CDYL2: variants seen among roughly 807,000 people sequenced by gnomAD.
CDYL2 encodes the protein chromodomain Y-like protein 2.
In CDYL2, 23 loss-of-function variants were observed where a neutral mutation model predicts 49.4. That is an observed-to-expected ratio of 0.47 (90% CI 0.34 to 0.66). CDYL2 has a LOEUF of 0.66. Among genes scored for constraint, CDYL2 ranks in the 30% least tolerant of loss-of-function variants. The probability of loss-of-function intolerance (pLI) is 0.01; values close to 1 mark genes in which losing one functional copy is unlikely to be tolerated. For synonymous variants in CDYL2, 360 were observed against 268.8 expected (o/e 1.34, Z -3.32); for missense variants, 678 against 656.4 (o/e 1.03, Z -0.36).
intron 6 of CDYL2, 41 bp from the exon 7 acceptor site, chr16:80,604,587 G>C (rs1906249559): frequency 6.2e-7 from 1 of 1,609,614 alleles, no homozygotes; most frequent in Non-Finnish European, 8.5e-7. Context: ...GGGCACCAGG[G>C]ACTCTGCTCC....
intron 1 of CDYL2, among the ~76,000 whole-genome samples, chr16:80,716,379 T>C (rs1295997643): frequency 6.6e-6 from 1 of 152,180 alleles, no homozygotes; most frequent in Non-Finnish European, 1.5e-5. Context: ...ACATACTGGA[T>C]GGCTGGGTAG....
At chr16:80,799,040 G>C (rs1036296714) in intron 1 of CDYL2, among the ~76,000 whole-genome samples, 1 of 151,602 alleles carries the variant, frequency 6.6e-6, no homozygotes, top group Non-Finnish European at 1.5e-5. Context: ...TAGATATATA[G>C]ATATTTAAGT....
rs150849156 is a variant in CDYL2 at position 80,686,447 on chromosome 16, C to CT, written c.25-1319dup. Among the ~76,000 whole-genome samples, 1,343 of 152,188 alleles carry CT rather than the reference C, an allele frequency of 8.8e-3. 25 individuals carry two copies. The highest frequency in any genetic ancestry group is 0.031 in the African/African-American group (1,281 of 41,510). Reference sequence around the variant, plus strand: ...TCTACTTCAATATCAATATAATATGCTTTTCTAGAATGGAATTTTGACCCA... The same window carrying CT: ...TCTACTTCAATATCAATATAATATGCTTTTTCTAGAATGGAATTTTGACCCA... On this transcript the variant is annotated intron_variant, in intron 1 of 6. Coordinates refer to ENST00000570137, the MANE Select transcript of CDYL2 (RefSeq NM_152342.4).
Position 80,620,912 on chromosome 16 carries a change from C to T in CDYL2, c.858G>A (p.Ala286=), listed in dbSNP as rs200676958. The change falls in exon 4 of 7, where the codon GCG becomes GCA. Residue 286 remains alanine (A), a synonymous_variant. Coordinates refer to ENST00000570137, the MANE Select transcript of CDYL2 (RefSeq NM_152342.4). The part of the protein sequence containing the change: ...TPEIMKEVRR[A]LCNAATDDSK... ...TGTCGTCTGTGGCTGCGTTGCAGAG[C>T]GCTCGCCGGACTTCTTTCATGATCT... 2.3e-4 allele frequency: 363 copies of T among 1,604,896 alleles called. No individual in the cohort carries two copies. The highest frequency in any genetic ancestry group is 9.9e-4 in the South Asian group (89 of 90,180).
intron 2 of CDYL2, 94 bp downstream of exon 2, chr16:80,684,444 G>C (rs1321816763): frequency 8.7e-7 from 1 of 1,146,534 alleles, no homozygotes; most frequent in African/African-American, 1.6e-5. Flanking sequence ...GACGGGGATG[G>C]AGGTGGGGGT....
chr16:80,750,788 G>A (rs899026449), intron 1 of CDYL2, among the ~76,000 whole-genome samples: 7 of 152,202 alleles, frequency 4.6e-5, no homozygotes, highest in Non-Finnish European at 2.9e-5. Context: ...GGGAGGCCGA[G>A]GCAGGCGGAT....
intron 5 of CDYL2, among the ~76,000 whole-genome samples, chr16:80,610,211 G>C (rs10468363): frequency 6.6e-6 from 1 of 152,168 alleles, no homozygotes; most frequent in Non-Finnish European, 1.5e-5. Flanking sequence ...TGGGCTTGCA[G>C]GCCCTCAGAT....
chr16:80,642,736 A>C (rs931846284), intron 2 of CDYL2, among the ~76,000 whole-genome samples: 2 of 152,162 alleles, frequency 1.3e-5, no homozygotes, highest in Admixed American at 6.5e-5. Flanking sequence ...ACCCTTGATA[A>C]AACCATCAGA....
chr16:80,662,928 G>A (rs978477166), intron 2 of CDYL2, among the ~76,000 whole-genome samples: 2 of 151,950 alleles, frequency 1.3e-5, no homozygotes, highest in African/African-American at 4.8e-5. Flanking sequence ...AACCAGCGGA[G>A]GCCCAGCACA....
intron 1 of CDYL2, among the ~76,000 whole-genome samples, chr16:80,731,140 G>A (rs890895223): frequency 6.6e-6 from 1 of 152,072 alleles, no homozygotes; most frequent in Non-Finnish European, 1.5e-5. Flanking sequence ...TATTAAATAA[G>A]TATCCTTCCA....
At chr16:80,631,650 T>A (rs544811788) in intron 3 of CDYL2, among the ~76,000 whole-genome samples, 2 of 152,304 alleles carry the variant, frequency 1.3e-5, no homozygotes, top group African/African-American at 4.8e-5. Context: ...AAGTCAAGTA[T>A]CTGATAAGGC....
intron 1 of CDYL2, among the ~76,000 whole-genome samples, chr16:80,759,399 AT>A (rs983878078): frequency 6.6e-6 from 1 of 151,968 alleles, no homozygotes; most frequent in African/African-American, 2.4e-5. Context: ...AAGCAATGTG[AT>A]TTTTTTGTCA....
Position 80,603,827 on chromosome 16 carries a change from T to C in CDYL2, c.*561A>G, listed in dbSNP as rs1321706962. ...CATTTCTAAATGTACAATATCTGGG[T>C]TTGCAAATCACTCAATTGGGTTTTA... On this transcript the variant is annotated 3_prime_UTR_variant, in exon 7 of 7. Transcript: ENST00000570137. The C allele has an allele frequency of 6.5e-6, 1 of 152,884 alleles. No individual in the cohort carries two copies. The highest frequency in any genetic ancestry group is 1.5e-5 in the Non-Finnish European group (1 of 68,222). 9.5% of individuals were successfully genotyped at this position (152,884 alleles called of 1,614,324 possible).
intron 2 of CDYL2, among the ~76,000 whole-genome samples, chr16:80,646,658 G>A (rs774855952): frequency 3.9e-5 from 6 of 152,016 alleles, no homozygotes; most frequent in East Asian, 3.9e-4. Flanking sequence ...GCAGAGTGGC[G>A]TGTGCCTGTA....
At chr16:80,642,495 G>C (rs556355267) in intron 2 of CDYL2, among the ~76,000 whole-genome samples, 2 of 152,290 alleles carry the variant, frequency 1.3e-5, no homozygotes, top group South Asian at 4.2e-4. Context: ...TATGCAAATA[G>C]TGTTGTTATA....
chr16:80,752,935 T>C (rs560574489), intron 1 of CDYL2, among the ~76,000 whole-genome samples: 150 of 152,288 alleles, frequency 9.8e-4, no homozygotes, highest in Middle Eastern at 3.4e-3. Flanking sequence ...AAAGCTGAAA[T>C]GCAAGAAAGG....
intron 1 of CDYL2, among the ~76,000 whole-genome samples, chr16:80,756,819 A>G (rs931867356): frequency 6.6e-6 from 1 of 152,102 alleles, no homozygotes; most frequent in Admixed American, 6.5e-5. Flanking sequence ...GATTGGTCCC[A>G]GAAAAAGAAG....
chr16:80,727,931 T>C lies in CDYL2; in HGVS notation c.25-42802A>G, dbSNP rs1905217802. ...AACTAACAAACAGAAAGGACATGCA[T>C]ACCAAAAACCCATCTGTACATCACC... On this transcript the variant is annotated intron_variant, in intron 1 of 6. Coordinates refer to ENST00000570137, the MANE Select transcript of CDYL2 (RefSeq NM_152342.4). 2.6e-5 allele frequency among the ~76,000 whole-genome samples: 4 copies of C among 152,030 alleles called. No individual in the cohort carries two copies. The South Asian group carries it at 8.3e-4, about 32-fold the overall frequency.
chr16:80,783,889 C>T (rs190389492), intron 1 of CDYL2, among the ~76,000 whole-genome samples: 3 of 152,196 alleles, frequency 2.0e-5, no homozygotes, highest in East Asian at 1.9e-4. Context: ...AATGAGTGCC[C>T]GGGGCTGGGA....
Sources: gnomAD v4.1 joint callset for allele counts (sites outside exome capture counted in the v4.1 genomes callset) on GRCh38, gnomAD v4.1.1 for gene constraint, MANE v1.5 for transcripts, NCBI Gene and HGNC (gene_info 2026-07-23, HGNC 2026-07-21) for gene names.